The following PDCD6IP variants were observed in gnomAD, a reference collection of about 807,000 sequenced individuals.
PDCD6IP encodes programmed cell death 6 interacting protein, also known as programmed cell death 6-interacting protein.
Under a neutral mutation model 103.7 loss-of-function variants are expected in PDCD6IP, and 43 were observed. The ratio of observed to expected loss-of-function variants is 0.41; its 90% CI spans 0.32 to 0.53. The LOEUF (loss-of-function observed/expected upper bound fraction) is 0.53, where lower values mean the gene tolerates loss of function less well. PDCD6IP is among the 20% of genes least tolerant of loss of function. The pLI, the probability that PDCD6IP is intolerant of heterozygous loss-of-function variation, is 0.16. For missense variants in PDCD6IP, 871 were observed against 1,036.7 expected (o/e 0.84, Z 2.20); for synonymous variants, 354 against 378.7 (o/e 0.93, Z 0.76).
chr3:33,799,071 G>A (rs1470533495), intron 1 of PDCD6IP, 134 bp downstream of exon 1: 6 of 854,598 alleles, frequency 7.0e-6, no homozygotes, highest in African/African-American at 1.7e-5. Flanking sequence ...GCGCGTAGGT[G>A]TGGTCTGCAT....
At chr3:33,818,513 CTTTTTTTTTTTTT>C (rs61405380) in intron 3 of PDCD6IP, among the ~76,000 whole-genome samples, 2 of 89,264 alleles carry the variant, frequency 2.2e-5, no homozygotes, top group African/African-American at 4.6e-5. Context: ...TGATCCCTTG[CTTTTTTTTTTTTT>C]TTTTTTTTTT....
At position 33,866,343 on chromosome 3, in the gene PDCD6IP, T is replaced by TCC; in HGVS notation, c.2433-7_2433-6insCC. ...ACCAATCAAGATTTTTCTGTTTTCT[T>TCC]CTATCAGGTATTGCCAAATGCCCAT... On this transcript the variant is annotated splice_region_variant and splice_polypyrimidine_tract_variant and intron_variant, in intron 17 of 17. Transcript: ENST00000307296. 1 of 1,473,572 alleles carries TCC rather than the reference T, an allele frequency of 6.8e-7. No homozygotes were observed. The highest frequency in any genetic ancestry group is 9.1e-7 in the Non-Finnish European group (1 of 1,103,806). The allele number at this position is 1,473,572 out of a possible 1,614,324, so 91.3% of individuals were successfully genotyped here.
At position 33,817,748 on chromosome 3, in the gene PDCD6IP, G is replaced by A. The variant is rs573145583; in HGVS notation, c.334+4120G>A. On this transcript the variant is annotated intron_variant, in intron 3 of 17. Transcript: ENST00000307296. ...AGCCTGGGTGACAGAGTGACACCTT[G>A]TCTCAAAAGAAAAAAAAAAGATAAA... 3.3e-5 allele frequency among the ~76,000 whole-genome samples: 5 copies of A among 151,212 alleles called. No homozygotes were observed. In the South Asian group the frequency reaches 8.4e-4, roughly 25 times the overall value.
At chr3:33,863,782 G>C (rs1009755338) in intron 15 of PDCD6IP, 1 of 515,784 alleles carries the variant, frequency 1.9e-6, no homozygotes, top group African/African-American at 1.9e-5. Flanking sequence ...ACCCAGCAGT[G>C]GGATTGTTGG....
chr3:33,848,519 C>G (rs2125570487), intron 12 of PDCD6IP, among the ~76,000 whole-genome samples: 1 of 151,996 alleles, frequency 6.6e-6, no homozygotes, highest in South Asian at 2.1e-4. Flanking sequence ...ATTCTCCTGT[C>G]TCAGCCTCCC....
At chr3:33,813,677 G>A in intron 3 of PDCD6IP, 49 bp downstream of exon 3, 1 of 1,056,140 alleles carries the variant, frequency 9.5e-7, no homozygotes. Flanking sequence ...TAACTACTTT[G>A]CATTGTTTTT....
At chr3:33,845,350 A>G (rs1697568696) in intron 11 of PDCD6IP, 69 bp from the exon 12 acceptor site, 2 of 1,229,178 alleles carry the variant, frequency 1.6e-6, no homozygotes, top group African/African-American at 1.5e-5. Context: ...AGAACTCAAC[A>G]TATAACCAGC....
intron 3 of PDCD6IP, among the ~76,000 whole-genome samples, chr3:33,818,264 C>T (rs1418420641): frequency 2.0e-5 from 3 of 151,178 alleles, no homozygotes; most frequent in East Asian, 2.0e-4. Context: ...TGCACCACCA[C>T]GCCTGGCGAA....
chr3:33,840,657 G>A (rs1341270637), intron 9 of PDCD6IP, among the ~76,000 whole-genome samples: 2 of 151,840 alleles, frequency 1.3e-5, no homozygotes, highest in Non-Finnish European at 2.9e-5. Flanking sequence ...ATAGTAGATA[G>A]GGATATGTAC....
intron 1 of PDCD6IP, among the ~76,000 whole-genome samples, chr3:33,807,502 G>A (rs74443515): frequency 6.6e-6 from 1 of 152,146 alleles, no homozygotes; most frequent in Admixed American, 6.5e-5. Flanking sequence ...GCACTAAATG[G>A]TATAATCTCA....
chr3:33,826,168 C>A (rs1165571586), intron 5 of PDCD6IP, among the ~76,000 whole-genome samples: 1 of 152,064 alleles, frequency 6.6e-6, no homozygotes, highest in Non-Finnish European at 1.5e-5. Flanking sequence ...CAAGTTCACC[C>A]TTTCTAAGTA....
At chr3:33,864,369 AATG>A (rs1698020230) in intron 16 of PDCD6IP, among the ~76,000 whole-genome samples, 1 of 152,252 alleles carries the variant, frequency 6.6e-6, no homozygotes, top group Non-Finnish European at 1.5e-5. Context: ...AAATAAAACA[AATG>A]ATAAAATAAG....
At chr3:33,820,307 C>T (rs1696960887) in intron 3 of PDCD6IP, among the ~76,000 whole-genome samples, 1 of 151,872 alleles carries the variant, frequency 6.6e-6, no homozygotes. Flanking sequence ...ATTATAATGT[C>T]CCATTCTTCC....
chr3:33,863,268 ATTTCT>A (rs1388659658), intron 15 of PDCD6IP, among the ~76,000 whole-genome samples: 29 of 152,336 alleles, frequency 1.9e-4, no homozygotes, highest in African/African-American at 7.0e-4. Flanking sequence ...AACGTTTATC[ATTTCT>A]TTGTGTTGGG....
intron 12 of PDCD6IP, among the ~76,000 whole-genome samples, chr3:33,848,672 G>T (rs1697649410): frequency 1.3e-5 from 2 of 152,150 alleles, no homozygotes; most frequent in African/African-American, 4.8e-5. Flanking sequence ...CAAAGTGCTG[G>T]GATTACAGGC....
chr3:33,852,735 A>G lies in PDCD6IP; in HGVS notation c.1889A>G (p.Gln630Arg). 1 of 1,582,060 alleles carries G rather than the reference A, an allele frequency of 6.3e-7. No individual in the cohort carries two copies. The highest frequency in any genetic ancestry group is 1.2e-5 in the South Asian group (1 of 84,644). Residue 630 changes from glutamine to arginine, a missense_variant and splice_region_variant, in exon 13 of 18, where the codon CAG (glutamine) becomes CGG (arginine). Around this residue, in one of 5 missense-constraint regions of PDCD6IP, gnomAD observed 266 missense variants for 390.5 expected, o/e 0.68. Transcript: ENST00000307296. The part of the protein sequence containing the change: ...KKQEGLLKNI[Q>R]VSHQEFSKMK... ...CAGGAGGGACTTCTTAAAAATATTC[A>G]GGTGAAATTTATATATTTAATAAGA...
intron 4 of PDCD6IP, among the ~76,000 whole-genome samples, chr3:33,822,464 C>G (rs865860877): frequency 6.6e-6 from 1 of 152,082 alleles, no homozygotes. Flanking sequence ...GTGAGACACA[C>G]TTGAAATTTC....
intron 15 of PDCD6IP, among the ~76,000 whole-genome samples, chr3:33,859,558 C>G (rs1389388223): frequency 6.6e-6 from 1 of 152,000 alleles, no homozygotes; most frequent in African/African-American, 2.4e-5. Flanking sequence ...CAAGGAAATA[C>G]AAATGGCTCT....
chr3:33,817,734 C>G (rs1244886627), intron 3 of PDCD6IP, among the ~76,000 whole-genome samples: 1 of 150,444 alleles, frequency 6.6e-6, no homozygotes. Flanking sequence ...GCCTGGGTGA[C>G]AGAGTGACAC....
Sources: allele counts gnomAD v4.1 joint callset (sites outside exome capture counted in the v4.1 genomes callset), GRCh38; gene constraint gnomAD v4.1.1; regional missense constraint gnomAD v4.1.1; transcripts MANE v1.5; gene names NCBI Gene and HGNC (gene_info 2026-07-23, HGNC 2026-07-21).